WDR72: variants seen among roughly 807,000 people sequenced by gnomAD.
The protein encoded by WDR72 is WD repeat-containing protein 72.
WDR72 carries 120 observed loss-of-function variants against 124.2 expected under a neutral mutation model. The observed-to-expected ratio is 0.97, with a 90% CI of 0.83 to 1.12. The LOEUF is 1.12. WDR72 is among the 50% of genes most tolerant of loss of function. The pLI is 0.00. For synonymous variants in WDR72, 452 were observed against 441.7 expected, an observed-to-expected ratio of 1.02 and a Z score of -0.29; for missense variants, 1,387 against 1,278.8, an observed-to-expected ratio of 1.08 and a Z score of -1.29.
At chr15:53,617,757 A>G (rs1595797178) in intron 14 of WDR72, among the ~76,000 whole-genome samples, 1 of 152,074 alleles carries the variant, frequency 6.6e-6, no homozygotes, top group East Asian at 1.9e-4. Context: ...TATTAATTTC[A>G]CCATTATGTT....
At chr15:53,552,777 C>G (rs143585088) in intron 18 of WDR72, among the ~76,000 whole-genome samples, 1 of 152,086 alleles carries the variant, frequency 6.6e-6, no homozygotes, top group Non-Finnish European at 1.5e-5. Context: ...TTGTCTGTTA[C>G]GTATTTCTCA....
intron 14 of WDR72, among the ~76,000 whole-genome samples, chr15:53,635,341 T>C (rs950188115): frequency 2.6e-5 from 4 of 152,190 alleles, no homozygotes; most frequent in African/African-American, 9.7e-5. Context: ...AAAACTCAGC[T>C]TATGGAGCAA....
chr15:53,665,853 A>T (rs17631476), intron 13 of WDR72, 85 bp from the exon 14 acceptor site: 87,038 of 1,343,816 alleles, frequency 0.065, 3,523 homozygotes, highest in Non-Finnish European at 0.08. Context: ...TTAGCAGAAG[A>T]ATCACAATCC....
At position 53,722,520 on chromosome 15, in the gene WDR72, C is replaced by T. The variant is rs561915207; in HGVS notation, c.260+282G>A. 4.6e-5 allele frequency among the ~76,000 whole-genome samples: 7 copies of T among 152,318 alleles called. No individual in the cohort carries two copies. In the East Asian group the frequency reaches 1.3e-3, roughly 29 times the overall value. Reference sequence around the variant, plus strand: ...TACAATACTAGGCATTGGTCACTGACCCTCACCCAGTAAGAGTGCTACAAG... The same window carrying T: ...TACAATACTAGGCATTGGTCACTGATCCTCACCCAGTAAGAGTGCTACAAG... On this transcript the variant is annotated intron_variant, in intron 3 of 19. Coordinates refer to ENST00000360509, the MANE Select transcript of WDR72 (RefSeq NM_182758.4).
intron 18 of WDR72, among the ~76,000 whole-genome samples, chr15:53,540,634 G>C (rs2140255037): frequency 6.6e-6 from 1 of 151,890 alleles, no homozygotes; most frequent in African/African-American, 2.4e-5. Flanking sequence ...AAGAAGAACA[G>C]GAGGAGCCAA....
At chr15:53,740,483 A>G (rs1235429192) in intron 1 of WDR72, among the ~76,000 whole-genome samples, 1 of 151,858 alleles carries the variant, frequency 6.6e-6, no homozygotes, top group East Asian at 1.9e-4. Context: ...AATTTTTTGT[A>G]TTTTTAGCAG....
chr15:53,626,279 G>C (rs1288162824), intron 14 of WDR72, among the ~76,000 whole-genome samples: 1 of 152,232 alleles, frequency 6.6e-6, no homozygotes, highest in African/African-American at 2.4e-5. Flanking sequence ...GGTCACGGAA[G>C]AGAACCGTGG....
At chr15:53,726,051 G>A (rs1031549594) in intron 2 of WDR72, among the ~76,000 whole-genome samples, 1 of 150,308 alleles carries the variant, frequency 6.7e-6, no homozygotes, top group Non-Finnish European at 1.5e-5. Flanking sequence ...CAGCCTGGGT[G>A]ACAGAATGAG....
At chr15:53,703,207 C>T (rs2017239312) in intron 11 of WDR72, among the ~76,000 whole-genome samples, 1 of 152,122 alleles carries the variant, frequency 6.6e-6, no homozygotes, top group African/African-American at 2.4e-5. Flanking sequence ...AGCCACCGCG[C>T]CCAGCCCGTC....
chr15:53,582,092 G>A (rs1000665824), intron 18 of WDR72, among the ~76,000 whole-genome samples: 56 of 151,896 alleles, frequency 3.7e-4, no homozygotes, highest in Non-Finnish European at 8.1e-4. Context: ...GTTATAACTG[G>A]AGCATCTAAG....
At chr15:53,520,794 C>G (rs907581217) in intron 19 of WDR72, among the ~76,000 whole-genome samples, 2 of 151,964 alleles carry the variant, frequency 1.3e-5, no homozygotes, top group Non-Finnish European at 2.9e-5. Context: ...TTTTATAGTT[C>G]AAGAACATCC....
chr15:53,759,047 C>T (rs2018994951), intron 1 of WDR72, among the ~76,000 whole-genome samples: 1 of 152,064 alleles, frequency 6.6e-6, no homozygotes, highest in Non-Finnish European at 1.5e-5. Context: ...ATTGCCGACT[C>T]AGCCCAAGCG....
chr15:53,570,262 A>AT (rs34458553), intron 18 of WDR72, among the ~76,000 whole-genome samples: 3,621 of 146,536 alleles, frequency 0.025, 84 homozygotes, highest in East Asian at 0.13. Context: ...CTCATATACC[A>AT]TTTTTTTTTT....
chr15:53,622,488 G>T (rs1457750303), intron 14 of WDR72, among the ~76,000 whole-genome samples: 2 of 152,026 alleles, frequency 1.3e-5, no homozygotes, highest in Non-Finnish European at 2.9e-5. Context: ...ACAATGGATG[G>T]AGCTGCAAGC....
intron 18 of WDR72, among the ~76,000 whole-genome samples, chr15:53,562,121 C>T (rs2140295001): frequency 6.6e-6 from 1 of 151,884 alleles, no homozygotes; most frequent in Admixed American, 6.6e-5. Context: ...TCCTATTTTA[C>T]ATACAAGCAA....
chr15:53,613,815 A>C, intron 15 of WDR72, 58 bp from the exon 16 acceptor site: 1 of 1,248,138 alleles, frequency 8.0e-7, no homozygotes, highest in Admixed American at 1.7e-5. Flanking sequence ...TATTTGAGGA[A>C]ATAAATCAAA....
chr15:53,642,078 C>G (rs761984177), intron 14 of WDR72, among the ~76,000 whole-genome samples: 4 of 151,756 alleles, frequency 2.6e-5, no homozygotes, highest in Non-Finnish European at 5.9e-5. Flanking sequence ...CATATATTTT[C>G]TTGATGTTGA....
chr15:53,540,455 T>C (rs1050386177), intron 18 of WDR72, among the ~76,000 whole-genome samples: 3 of 151,812 alleles, frequency 2.0e-5, no homozygotes, highest in Admixed American at 6.6e-5. Flanking sequence ...CACCTGGAAA[T>C]TTCAAAACAC....
chr15:53,741,388 A>G (rs1386084771), intron 1 of WDR72, among the ~76,000 whole-genome samples: 1 of 152,170 alleles, frequency 6.6e-6, no homozygotes, highest in Non-Finnish European at 1.5e-5. Flanking sequence ...ATCTCGAACA[A>G]TCCAGATTTG....
Sources: allele counts gnomAD v4.1 joint callset (sites outside exome capture counted in the v4.1 genomes callset), GRCh38; gene constraint gnomAD v4.1.1; transcripts MANE v1.5; gene names NCBI Gene and HGNC (gene_info 2026-07-23, HGNC 2026-07-21).